CPA6: variants seen among roughly 807,000 people sequenced by gnomAD.
CPA6 encodes the protein carboxypeptidase B.
Under a neutral mutation model 63.3 loss-of-function variants are expected in CPA6, and 58 were observed. The observed-to-expected ratio is 0.92, with a 90% confidence interval of 0.74 to 1.14. CPA6 has a LOEUF of 1.14. CPA6 is among the 50% of genes most tolerant of loss of function. CPA6 has a pLI of 0.00. For synonymous variants in CPA6, 185 were observed against 179.0 expected (o/e 1.03, Z -0.27); for missense variants, 565 against 526.6 (o/e 1.07, Z -0.71).
chr8:67,502,371 A>G (rs1183162100), intron 6 of CPA6, among the ~76,000 whole-genome samples: 1 of 152,170 alleles, frequency 6.6e-6, no homozygotes, highest in Non-Finnish European at 1.5e-5. Flanking sequence ...GCTGACGTGA[A>G]AGATTTGCAT....
chr8:67,452,347 T>G (rs1810575002), intron 8 of CPA6: 1 of 152,262 alleles, frequency 6.6e-6, no homozygotes. Context: ...CCCTTGGCTT[T>G]TAACACACTG....
chr8:67,428,139 G>A lies in CPA6; in HGVS notation c.1042-8C>T, dbSNP rs371476373. 24 of 1,555,694 alleles carry A rather than the reference G, an allele frequency of 1.5e-5. No individual in the cohort carries two copies. Among genetic ancestry groups the A allele is most frequent in the Non-Finnish European group, 2.1e-5 (24 of 1,128,036 alleles). ...TTTATAAGCTGCAGATTCCTATGAGGGAAAATGGGGAAATTTTATATATTG... is the reference window on the plus strand; with the variant it reads ...TTTATAAGCTGCAGATTCCTATGAGAGAAAATGGGGAAATTTTATATATTG... On this transcript the variant is annotated splice_region_variant and splice_polypyrimidine_tract_variant and intron_variant, in intron 9 of 10. Coordinates refer to ENST00000297770, the MANE Select transcript of CPA6 (RefSeq NM_020361.5).
intron 2 of CPA6, among the ~76,000 whole-genome samples, chr8:67,547,223 T>A (rs1563994901): frequency 6.6e-6 from 1 of 152,076 alleles, no homozygotes; most frequent in Non-Finnish European, 1.5e-5. Context: ...AATTTTTGTA[T>A]TTTTAGTAGA....
chr8:67,635,444 T>C (rs375110176), intron 1 of CPA6, among the ~76,000 whole-genome samples: 38 of 151,742 alleles, frequency 2.5e-4, no homozygotes, highest in African/African-American at 5.6e-4. Flanking sequence ...TTTTCTACAA[T>C]GGTAACTGGG....
intron 1 of CPA6, among the ~76,000 whole-genome samples, chr8:67,718,049 T>TGTG (rs1192258711): frequency 6.6e-6 from 1 of 152,168 alleles, no homozygotes; most frequent in Non-Finnish European, 1.5e-5. Flanking sequence ...TGTGTGTCTG[T>TGTG]GTGTGACATT....
At chr8:67,432,062 T>G (rs1208744087) in intron 9 of CPA6, among the ~76,000 whole-genome samples, 1 of 152,232 alleles carries the variant, frequency 6.6e-6, no homozygotes, top group East Asian at 1.9e-4. Context: ...TAAAAACTCC[T>G]GGCATCTCCA....
At chr8:67,601,181 AT>A (rs1814488749) in intron 2 of CPA6, among the ~76,000 whole-genome samples, 1 of 152,218 alleles carries the variant, frequency 6.6e-6, no homozygotes, top group Non-Finnish European at 1.5e-5. Flanking sequence ...GTGCTGGCAC[AT>A]GCAATGTACA....
intron 8 of CPA6, among the ~76,000 whole-genome samples, chr8:67,471,080 T>G (rs1001731558): frequency 2.0e-5 from 3 of 152,210 alleles, no homozygotes; most frequent in African/African-American, 7.2e-5. Context: ...TGACCACTTC[T>G]GCCTCTTCTT....
At chr8:67,560,733 T>C (rs1813189055) in intron 2 of CPA6, among the ~76,000 whole-genome samples, 2 of 152,260 alleles carry the variant, frequency 1.3e-5, no homozygotes, top group East Asian at 1.9e-4. Context: ...CAGCTGACAC[T>C]AGGGCCTTGA....
chr8:67,471,729 TG>T (rs1811064037), intron 8 of CPA6, among the ~76,000 whole-genome samples: 1 of 152,218 alleles, frequency 6.6e-6, no homozygotes, highest in Admixed American at 6.5e-5. Flanking sequence ...CATCTGTGTT[TG>T]AGAATAGCAT....
intron 8 of CPA6, among the ~76,000 whole-genome samples, chr8:67,450,416 T>C (rs1191230657): frequency 6.6e-6 from 1 of 152,212 alleles, no homozygotes; most frequent in East Asian, 1.9e-4. Flanking sequence ...AAGACAAAGA[T>C]GGAGTAATCT....
rs1216482795 is a variant in CPA6, at chr8:67,673,738, C to CA, written c.117-49488dup. 2.0e-5 allele frequency among the ~76,000 whole-genome samples: 3 copies of CA among 152,112 alleles called. No homozygotes were observed. The East Asian group carries it at 5.8e-4, about 29-fold the overall frequency. On this transcript the variant is annotated intron_variant, in intron 1 of 10. Coordinates refer to ENST00000297770, the MANE Select transcript of CPA6 (RefSeq NM_020361.5). ...CAGACTATAATAGCATTTTAGTACT[C>CA]AAAAGAGTGTGATAGACTTAATTCT...
At chr8:67,595,307 C>A (rs1214327372) in intron 2 of CPA6, among the ~76,000 whole-genome samples, 1 of 152,176 alleles carries the variant, frequency 6.6e-6, no homozygotes, top group South Asian at 2.1e-4. Context: ...GGTGCCTCCC[C>A]ATTAGGCTGC....
chr8:67,669,020 C>T (rs1816289493), intron 1 of CPA6, among the ~76,000 whole-genome samples: 1 of 152,154 alleles, frequency 6.6e-6, no homozygotes, highest in African/African-American at 2.4e-5. Flanking sequence ...AAGGCAGGAT[C>T]CATAGTCAGC....
intron 1 of CPA6, among the ~76,000 whole-genome samples, chr8:67,666,685 G>T (rs1048775081): frequency 6.6e-6 from 1 of 152,118 alleles, no homozygotes; most frequent in Non-Finnish European, 1.5e-5. Flanking sequence ...GGGAACAGGG[G>T]CTGCTTGGGG....
chr8:67,442,366 T>C (rs1371396573), intron 8 of CPA6, among the ~76,000 whole-genome samples: 43 of 151,782 alleles, frequency 2.8e-4, no homozygotes, highest in Admixed American at 2.5e-3. Context: ...ATGTAATATG[T>C]AATATAGTGT....
chr8:67,656,146 A>G (rs1815979713), intron 1 of CPA6, among the ~76,000 whole-genome samples: 1 of 151,996 alleles, frequency 6.6e-6, no homozygotes, highest in Non-Finnish European at 1.5e-5. Flanking sequence ...CAGACTCTAA[A>G]CAGAGTTGTG....
chr8:67,543,796 T>TA (rs1563993379), intron 2 of CPA6, among the ~76,000 whole-genome samples: 3 of 151,270 alleles, frequency 2.0e-5, no homozygotes, highest in Admixed American at 6.6e-5. Context: ...TTATTATTAT[T>TA]TTTAAGAGAC....
intron 1 of CPA6, among the ~76,000 whole-genome samples, chr8:67,707,027 G>T (rs1587716882): frequency 6.6e-6 from 1 of 152,194 alleles, no homozygotes; most frequent in East Asian, 1.9e-4. Context: ...TGCCTCAGAG[G>T]TAACACATTT....
Sources: gnomAD v4.1 joint callset for allele counts (sites outside exome capture counted in the v4.1 genomes callset) on GRCh38, gnomAD v4.1.1 for gene constraint, MANE v1.5 for transcripts, NCBI Gene and HGNC (gene_info 2026-07-23, HGNC 2026-07-21) for gene names.